The following MGAT4C variants were observed in gnomAD, a reference collection of about 807,000 sequenced individuals.
MGAT4C encodes alpha-1,3-mannosyl-glycoprotein 4-beta-N-acetylglucosaminyltransferase C.
A neutral mutation model predicts 40.1 loss-of-function variants in MGAT4C; 19 were observed. The observed-to-expected ratio is 0.47, with a 90% CI of 0.33 to 0.70. The LOEUF is 0.70. MGAT4C is among the 30% of genes least tolerant of loss of function. MGAT4C has a pLI of 0.02. For missense variants in MGAT4C, 491 were observed against 563.2 expected (o/e 0.87, Z 1.30); for synonymous variants, 181 against 187.1 (o/e 0.97, Z 0.27).
At chr12:86,269,278 C>T (rs1592623851) in intron 4 of MGAT4C, among the ~76,000 whole-genome samples, 1 of 150,898 alleles carries the variant, frequency 6.6e-6, no homozygotes, top group Non-Finnish European at 1.5e-5. Flanking sequence ...TAGGTCTTAC[C>T]TCATCTACAT....
intron 1 of MGAT4C, among the ~76,000 whole-genome samples, chr12:86,101,751 A>T (rs904529712): frequency 6.6e-6 from 1 of 151,884 alleles, no homozygotes; most frequent in Non-Finnish European, 1.5e-5. Flanking sequence ...TTTAGTCTAA[A>T]TACTCAGAAA....
chr12:86,771,710 G>A (rs369009190), intron 1 of MGAT4C, among the ~76,000 whole-genome samples: 4 of 109,394 alleles, frequency 3.7e-5, no homozygotes, highest in African/African-American at 5.3e-5. Context: ...GTGTGTGTGT[G>A]TGTGTGTGTG....
At chr12:86,070,847 T>C (rs1262905200) in intron 1 of MGAT4C, among the ~76,000 whole-genome samples, 1 of 152,058 alleles carries the variant, frequency 6.6e-6, no homozygotes. Flanking sequence ...TAAAAAAACA[T>C]TTGACCAAGC....
At position 86,433,298 on chromosome 12, in the gene MGAT4C, ATATG is replaced by A. The variant is rs1014878197; in HGVS notation, c.-120+1855_-120+1858del. Among the ~76,000 whole-genome samples, 68 of 151,284 alleles carry A rather than the reference ATATG, an allele frequency of 4.5e-4. 1 individual carries two copies. The highest frequency in any genetic ancestry group is 1.4e-3 in the African/African-American group (56 of 41,380). ...TATATATATAAAATGATATACATAT[ATATG>A]TATGTGTGTGCATACATACACACAT... On this transcript the variant is annotated intron_variant, in intron 3 of 7. Coordinates refer to the MGAT4C transcript ENST00000548651.
At chr12:86,396,270 C>T (rs1956260286) in intron 3 of MGAT4C, among the ~76,000 whole-genome samples, 1 of 152,148 alleles carries the variant, frequency 6.6e-6, no homozygotes, top group Non-Finnish European at 1.5e-5. Flanking sequence ...TGGAGTGAAG[C>T]ATGTCTCTTA....
intron 2 of MGAT4C, among the ~76,000 whole-genome samples, chr12:86,496,923 T>C (rs890749592): frequency 1.3e-5 from 2 of 151,978 alleles, no homozygotes; most frequent in Non-Finnish European, 2.9e-5. Flanking sequence ...TGAACCCTAA[T>C]AGATATGAAT....
chr12:86,139,704 A>G (rs954682838), intron 1 of MGAT4C, among the ~76,000 whole-genome samples: 1 of 152,150 alleles, frequency 6.6e-6, no homozygotes, highest in Non-Finnish European at 1.5e-5. Flanking sequence ...ATATACAAAT[A>G]TAAGAGTTTC....
chr12:86,154,285 G>A (rs1884647574), intron 1 of MGAT4C, among the ~76,000 whole-genome samples: 1 of 152,138 alleles, frequency 6.6e-6, no homozygotes, highest in Admixed American at 6.5e-5. Context: ...GGGGGAATTG[G>A]CCAGAACAGC....
intron 3 of MGAT4C, among the ~76,000 whole-genome samples, chr12:86,428,712 T>C (rs1956977623): frequency 6.6e-6 from 1 of 152,218 alleles, no homozygotes. Flanking sequence ...TGTATGTGTT[T>C]AGGAATTTAT....
At chr12:86,769,807 C>A (rs1457121878) in intron 1 of MGAT4C, among the ~76,000 whole-genome samples, 2 of 151,970 alleles carry the variant, frequency 1.3e-5, no homozygotes, top group Admixed American at 1.3e-4. Context: ...TAGGTGAGAA[C>A]TGAACAGTGA....
intron 2 of MGAT4C, among the ~76,000 whole-genome samples, chr12:86,582,873 G>A (rs958213383): frequency 6.6e-6 from 1 of 151,008 alleles, no homozygotes; most frequent in Non-Finnish European, 1.5e-5. Context: ...AAACTCCTTC[G>A]GGTTAACCAA....
intron 1 of MGAT4C, among the ~76,000 whole-genome samples, chr12:86,730,092 T>C (rs1482969810): frequency 6.6e-6 from 1 of 151,988 alleles, no homozygotes; most frequent in South Asian, 2.1e-4. Flanking sequence ...TCTTGACAGC[T>C]TATCGTAGGA....
In MGAT4C at chr12:86,711,565, G is replaced by C. The variant is rs190979389; in HGVS notation, c.-229+15644C>G. Among the ~76,000 whole-genome samples, 1,435 of 151,998 alleles carry C rather than the reference G, an allele frequency of 9.4e-3. 8 individuals are homozygous for C. Among genetic ancestry groups the C allele is most frequent in the Middle Eastern group, 0.017 (5 of 294 alleles). ...AAAATTGGTTTTTGGTTCTTATATT[G>C]TTTTTTCTTTTAAGTAGTACAACTT... On this transcript the variant is annotated intron_variant, in intron 2 of 7. Coordinates refer to the MGAT4C transcript ENST00000548651.
intron 2 of MGAT4C, among the ~76,000 whole-genome samples, chr12:86,510,412 C>G (rs563265472): frequency 6.6e-6 from 1 of 152,140 alleles, no homozygotes; most frequent in Non-Finnish European, 1.5e-5. Flanking sequence ...ACCATCGAGG[C>G]TAGGAAGAAA....
chr12:86,231,533 A>G (rs1566186666), intron 1 of MGAT4C, among the ~76,000 whole-genome samples: 1 of 152,188 alleles, frequency 6.6e-6, no homozygotes, highest in African/African-American at 2.4e-5. Flanking sequence ...AACAATCATC[A>G]CAATCTAAAT....
chr12:86,825,798 G>C (rs1952795054), intron 1 of MGAT4C, among the ~76,000 whole-genome samples: 1 of 151,336 alleles, frequency 6.6e-6, no homozygotes, highest in South Asian at 2.1e-4. Context: ...GTGCCCCTTG[G>C]CTGATGCAAG....
At chr12:86,505,899 T>G (rs1958464892) in intron 2 of MGAT4C, among the ~76,000 whole-genome samples, 1 of 152,120 alleles carries the variant, frequency 6.6e-6, no homozygotes, top group South Asian at 2.1e-4. Flanking sequence ...GCCCTTTAAA[T>G]AAATCTAGAT....
intron 2 of MGAT4C, among the ~76,000 whole-genome samples, chr12:86,619,911 T>C (rs1050575051): frequency 1.3e-5 from 2 of 152,184 alleles, no homozygotes; most frequent in Non-Finnish European, 2.9e-5. Flanking sequence ...TGATAGTTAC[T>C]TTAGAATAAA....
chr12:86,611,318 G>A (rs960414690), intron 2 of MGAT4C, among the ~76,000 whole-genome samples: 15 of 151,852 alleles, frequency 9.9e-5, no homozygotes, highest in African/African-American at 3.6e-4. Flanking sequence ...ACGCAAAGAC[G>A]TGCAGACACA....
Sources: allele counts gnomAD v4.1 joint callset (sites outside exome capture counted in the v4.1 genomes callset), GRCh38; gene constraint gnomAD v4.1.1; transcripts MANE v1.5; gene names NCBI Gene and HGNC (gene_info 2026-07-23, HGNC 2026-07-21).